TASP1: variants seen among roughly 807,000 people sequenced by gnomAD.
TASP1 encodes threonine aspartase 1.
Under a neutral mutation model 56.6 loss-of-function variants are expected in TASP1, and 16 were observed. The observed-to-expected ratio is 0.28, with a 90% CI of 0.19 to 0.43. The LOEUF is 0.43. Among genes scored for constraint, TASP1 ranks in the 20% least tolerant of loss-of-function variants. The pLI, the probability that TASP1 is intolerant of heterozygous loss-of-function variation, is 1.00. For missense variants in TASP1, 393 were observed against 511.6 expected (o/e 0.77, Z 2.24); for synonymous variants, 179 against 184.2 (o/e 0.97, Z 0.23).
In TASP1 at chr20:13,474,449, T is replaced by C. The variant is rs531781235; in HGVS notation, c.985+8778A>G. Among the ~76,000 whole-genome samples, 17 of 152,350 alleles carry C rather than the reference T, an allele frequency of 1.1e-4. 1 individual carries two copies. Among genetic ancestry groups the C allele is most frequent in the African/African-American group, 3.6e-4 (15 of 41,590 alleles). ...TGGCCTCCAGCCCCATCCAAGTTTC[T>C]GTAAAAGACATTATTTCATTCCTTT... On this transcript the variant is annotated intron_variant, in intron 11 of 13. Transcript: ENST00000337743.
chr20:13,156,848 G>A, the TASP1 span, among the ~76,000 whole-genome samples: 2 of 152,088 alleles, frequency 1.3e-5, no homozygotes, highest in African/African-American at 2.4e-5. Context: ...ACGGTTGCAT[G>A]GCTCTCCAAA....
chr20:13,303,103 A>T, the TASP1 span, among the ~76,000 whole-genome samples: 1 of 152,220 alleles, frequency 6.6e-6, no homozygotes. Flanking sequence ...AAGGAAAAGA[A>T]GCCCAACAAG....
intron 10 of TASP1, among the ~76,000 whole-genome samples, chr20:13,526,918 T>C (rs2045002290): frequency 6.6e-6 from 1 of 152,140 alleles, no homozygotes. Context: ...ATGAGTCTGA[T>C]ATGTATACAC....
At chr20:13,391,312 T>C (rs1418106977) in intron 13 of TASP1, among the ~76,000 whole-genome samples, 1 of 152,122 alleles carries the variant, frequency 6.6e-6, no homozygotes, top group Non-Finnish European at 1.5e-5. Context: ...GAGGCTCCGG[T>C]AGAAGACAGT....
At chr20:13,145,309 TG>T in the TASP1 span, among the ~76,000 whole-genome samples, 6 of 152,202 alleles carry the variant, frequency 3.9e-5, no homozygotes, top group African/African-American at 9.6e-5. Flanking sequence ...ACAAAATCAA[TG>T]TACTAAAATC....
the TASP1 span, among the ~76,000 whole-genome samples, chr20:13,260,844 C>T: frequency 6.6e-6 from 1 of 152,156 alleles, no homozygotes; most frequent in African/African-American, 2.4e-5. Context: ...TTTCTCATGA[C>T]TCTCTGGGTC....
chr20:13,175,628 CA>C, the TASP1 span, among the ~76,000 whole-genome samples: 1 of 152,212 alleles, frequency 6.6e-6, no homozygotes, highest in Non-Finnish European at 1.5e-5. Flanking sequence ...ATCATAACCA[CA>C]GGCCTGACCT....
chr20:13,450,402 A>C (rs1032437952), intron 11 of TASP1, among the ~76,000 whole-genome samples: 6 of 152,110 alleles, frequency 3.9e-5, no homozygotes, highest in African/African-American at 1.4e-4. Flanking sequence ...ATGCTGTTTA[A>C]TCACATTTTA....
At chr20:13,437,191 A>G (rs1017546019) in intron 11 of TASP1, among the ~76,000 whole-genome samples, 1 of 152,174 alleles carries the variant, frequency 6.6e-6, no homozygotes, top group African/African-American at 2.4e-5. Flanking sequence ...CTGGGATGCA[A>G]GGCTGGTTCA....
the TASP1 span, among the ~76,000 whole-genome samples, chr20:13,155,654 G>A: frequency 1.3e-5 from 2 of 151,914 alleles, no homozygotes; most frequent in African/African-American, 2.4e-5. Flanking sequence ...GTGAAACCCC[G>A]TGTCTACAAA....
the TASP1 span, among the ~76,000 whole-genome samples, chr20:13,249,812 TTTGTTTTGTTTTG>T: frequency 2.0e-5 from 3 of 151,852 alleles, no homozygotes; most frequent in African/African-American, 7.3e-5. Flanking sequence ...TTTGTTTTGT[TTTGTTTTGTTTTG>T]TTTTGTTTTG....
At chr20:13,473,451 C>A (rs984550118) in intron 11 of TASP1, among the ~76,000 whole-genome samples, 6 of 152,122 alleles carry the variant, frequency 3.9e-5, no homozygotes, top group Non-Finnish European at 7.4e-5. Context: ...CAAACCTGCA[C>A]ATTGTGCACA....
chr20:13,273,427 G>A, the TASP1 span, among the ~76,000 whole-genome samples: 2 of 151,838 alleles, frequency 1.3e-5, no homozygotes, highest in East Asian at 3.9e-4. Context: ...GAAGAGACCA[G>A]GCCTCACTGT....
the TASP1 span, among the ~76,000 whole-genome samples, chr20:13,149,730 G>A: frequency 6.6e-6 from 1 of 152,238 alleles, no homozygotes; most frequent in Non-Finnish European, 1.5e-5. Context: ...CATCTGTTTG[G>A]TCAAGTCTCT....
At chr20:13,489,098 C>G (rs1327491023) in intron 10 of TASP1, among the ~76,000 whole-genome samples, 4 of 152,098 alleles carry the variant, frequency 2.6e-5, no homozygotes, top group Admixed American at 2.0e-4. Flanking sequence ...CCTGCATCAC[C>G]TGAAGATCTG....
chr20:13,473,460 C>T (rs1215283502), intron 11 of TASP1, among the ~76,000 whole-genome samples: 1 of 152,068 alleles, frequency 6.6e-6, no homozygotes. Context: ...ACATTGTGCA[C>T]ATGTACCCTA....
intron 7 of TASP1, among the ~76,000 whole-genome samples, chr20:13,560,109 A>T (rs779292017): frequency 6.6e-6 from 1 of 152,232 alleles, no homozygotes; most frequent in Non-Finnish European, 1.5e-5. Context: ...AAATTTTAAA[A>T]CTTGATATAC....
At chr20:13,230,422 C>G in the TASP1 span, among the ~76,000 whole-genome samples, 17 of 152,124 alleles carry the variant, frequency 1.1e-4, no homozygotes, top group African/African-American at 3.9e-4. Context: ...ATCTCAGTTT[C>G]TTTAACTTGT....
intron 12 of TASP1, among the ~76,000 whole-genome samples, chr20:13,423,136 G>A (rs1417774542): frequency 6.6e-6 from 1 of 152,132 alleles, no homozygotes; most frequent in Non-Finnish European, 1.5e-5. Flanking sequence ...TTGGACATAT[G>A]TATAACTATG....
Sources: allele counts gnomAD v4.1 joint callset (sites outside exome capture counted in the v4.1 genomes callset), GRCh38; gene constraint gnomAD v4.1.1; transcripts MANE v1.5; gene names NCBI Gene and HGNC (gene_info 2026-07-23, HGNC 2026-07-21).